MRPL34: variants seen among roughly 807,000 people sequenced by gnomAD.
MRPL34 encodes the protein large ribosomal subunit protein bL34m.
MRPL34 carries 8 observed loss-of-function variants against 6.7 expected under a neutral mutation model. The ratio of observed to expected loss-of-function variants is 1.20; its 90% CI spans 0.70 to 2.16. The LOEUF (loss-of-function observed/expected upper bound fraction) is 2.16. Among genes scored for constraint, MRPL34 ranks in the 30% most tolerant of loss-of-function variants. MRPL34 has a pLI of 0.00. For missense variants in MRPL34, 146 were observed against 125.5 expected (o/e 1.16, Z -0.78); for synonymous variants, 59 against 55.1 (o/e 1.07, Z -0.31).
Position 17,293,003 on chromosome 19 carries a change from C to T in MRPL34, c.214+149C>T, listed in dbSNP as rs185613077. 2,508 of 690,800 alleles carry T rather than the reference C, an allele frequency of 3.6e-3. 6 individuals carry two copies. Among genetic ancestry groups the T allele is most frequent in the Non-Finnish European group, 4.7e-3 (2,104 of 444,236 alleles). 42.8% of individuals were successfully genotyped at this position (690,800 alleles called of 1,614,324 possible). On this transcript the variant is annotated intron_variant, in intron 1 of 2. Transcript: ENST00000595444. ...GGGGGAGCTGGAGGATGGCCTGTAG[C>T]CCTGCTGGAACCCAACTAGTATTCA...
Position 17,306,331 on chromosome 19 carries a change from G to T in MRPL34, c.231G>T (p.Gln77His). The T allele has an allele frequency of 6.8e-6, 11 of 1,610,052 alleles. No individual in the cohort carries two copies. The highest frequency in any genetic ancestry group is 9.3e-6 in the Non-Finnish European group (11 of 1,179,226). Reference protein sequence around the residue: ...VRRLSTPAGVQVILRRMLKGR... With the variant: ...VRRLSTPAGVHVILRRMLKGR... The stretch of plus-strand genomic sequence containing the variant: ...GCCTGAGCACGCCGGCCGGCGTGCA[G>T]GTCATCCTTCGCCGAATGCTCAAGG... Residue 77 changes from glutamine to histidine, a missense_variant, in exon 2 of 2, where the codon CAG (glutamine) becomes CAT (histidine). Coordinates refer to ENST00000252602, the MANE Select transcript of MRPL34 (RefSeq NM_023937.4).
At chr19:17,305,643 G>A (rs1758566794), upstream of MRPL34, 1 of 551,234 alleles carries the variant, frequency 1.8e-6, no homozygotes, top group South Asian at 2.0e-5. Context: ...TTGTGCGCAC[G>A]CGCTTGCTCA....
Position 17,306,302 on chromosome 19 carries a change from C to G in MRPL34, c.202C>G (p.Arg68Gly), listed in dbSNP as rs200891604. Residue 68 changes from arginine to glycine, a missense_variant, in exon 2 of 2, where the codon CGG becomes GGG. By Grantham distance (125) the Arg-to-Gly change is moderately radical. Transcript: ENST00000252602. ...IKRKNKHGWV[R>G]RLSTPAGVQV... ...ACGCAAGAACAAGCACGGCTGGGTCCGGCGCCTGAGCACGCCGGCCGGCGT... is the reference window on the plus strand; with the variant it reads ...ACGCAAGAACAAGCACGGCTGGGTCGGGCGCCTGAGCACGCCGGCCGGCGT... 429 of 1,610,338 alleles carry G rather than the reference C, an allele frequency of 2.7e-4. No individual in the cohort carries two copies. Among genetic ancestry groups the G allele is most frequent in the Non-Finnish European group, 3.4e-4 (401 of 1,179,158 alleles).
At chr19:17,301,161 C>T (rs1470296365), upstream of MRPL34, 31 of 1,610,548 alleles carry the variant, frequency 1.9e-5, no homozygotes, top group Non-Finnish European at 2.5e-5. Context: ...TCTTGGGGCG[C>T]CTGGCTCGCC....
At chr19:17,293,551 C>T (rs1016426582) in intron 1 of MRPL34, among the ~76,000 whole-genome samples, 1 of 152,016 alleles carries the variant, frequency 6.6e-6, no homozygotes, top group African/African-American at 2.4e-5. Context: ...CCCTGGCCTC[C>T]ACCCACTAGA....
At chr19:17,305,826 T>A (rs762126576), upstream of MRPL34, 10 of 1,484,990 alleles carry the variant, frequency 6.7e-6, no homozygotes, top group Non-Finnish European at 9.4e-6. Flanking sequence ...AATCCTTTGT[T>A]CCAGGGCTGG....
At chr19:17,301,517 T>C, upstream of MRPL34, 2 of 1,610,684 alleles carry the variant, frequency 1.2e-6, no homozygotes, top group Non-Finnish European at 1.7e-6. Flanking sequence ...TCTACAAAGG[T>C]GTAGCCATCG....
At position 17,305,917 on chromosome 19, in the gene MRPL34, T is replaced by C. The variant is rs201390377; in HGVS notation, c.25T>C (p.Leu9=). 1.9e-6 allele frequency: 3 copies of C among 1,614,128 alleles called. No homozygotes were observed. Among genetic ancestry groups the C allele is most frequent in the Admixed American group, 3.3e-5 (2 of 60,030 alleles). MAVLAGSL[L]GPTSRSAALL... ...TATGGCTGTCTTGGCTGGATCCCTG[T>C]TGGGCCCCACGAGTAGGTCGGCAGC... Residue 9 remains leucine, a synonymous_variant, in exon 1 of 2, where the codon TTG becomes CTG. Coordinates refer to ENST00000252602, the MANE Select transcript of MRPL34 (RefSeq NM_023937.4).
chr19:17,301,365 C>T, upstream of MRPL34: 1 of 1,610,828 alleles, frequency 6.2e-7, no homozygotes, highest in Non-Finnish European at 8.5e-7. Context: ...CATTGCGGTA[C>T]ACGGTGATCC....
chr19:17,301,565 G>T (rs2074119114), upstream of MRPL34: 2 of 1,598,942 alleles, frequency 1.3e-6, no homozygotes, highest in African/African-American at 1.3e-5. Context: ...ACGGCGTTGG[G>T]GGGCGTGCCC....
At chr19:17,294,873 G>C in intron 1 of MRPL34, 1 of 1,605,584 alleles carries the variant, frequency 6.2e-7, no homozygotes, top group South Asian at 1.1e-5. Flanking sequence ...GGTGATAGGA[G>C]GATTGAAGGG....
At position 17,306,321 on chromosome 19, in the gene MRPL34, C is replaced by G. The variant is rs201529220; in HGVS notation, c.221C>G (p.Ala74Gly). The G allele has an allele frequency of 9.3e-6, 15 of 1,609,988 alleles. No homozygotes were observed. Among genetic ancestry groups the G allele is most frequent in the South Asian group, 7.7e-5 (7 of 90,718 alleles). ...TGGGTCCGGCGCCTGAGCACGCCGG[C>G]CGGCGTGCAGGTCATCCTTCGCCGA... Reference protein sequence around the residue: ...HGWVRRLSTPAGVQVILRRML... With the variant: ...HGWVRRLSTPGGVQVILRRML... Residue 74 changes from alanine to glycine, a missense_variant, in exon 2 of 2, where the codon GCC becomes GGC. By Grantham distance (60) the Ala-to-Gly change is moderately conservative (BLOSUM62 0). Transcript: ENST00000252602.
chr19:17,293,829 G>A (rs2074081517), intron 1 of MRPL34, among the ~76,000 whole-genome samples: 1 of 151,960 alleles, frequency 6.6e-6, no homozygotes, highest in African/African-American at 2.4e-5. Context: ...AAGTTGCAGC[G>A]ATTATTGGCG....
chr19:17,300,818 A>T (rs1355099952), upstream of MRPL34: 1 of 1,548,040 alleles, frequency 6.5e-7, no homozygotes, highest in Non-Finnish European at 8.7e-7. Flanking sequence ...TGCTGACCCC[A>T]TCCCTCACCC....
upstream of MRPL34, chr19:17,301,767 T>C (rs1280805094): frequency 2.1e-6 from 2 of 963,478 alleles, no homozygotes; most frequent in African/African-American, 4.1e-5. Flanking sequence ...GGCACTGAGA[T>C]TTTTTTGTTT....
In MRPL34 at chr19:17,306,303, G is replaced by A; in HGVS notation, c.203G>A (p.Arg68Gln). The change falls in exon 2 of 2, where the codon CGG becomes CAG. Residue 68 changes from arginine (R) to glutamine (Q), a missense_variant. Transcript: ENST00000252602. ...CGCAAGAACAAGCACGGCTGGGTCC[G>A]GCGCCTGAGCACGCCGGCCGGCGTG... ...IKRKNKHGWV[R>Q]RLSTPAGVQV... is the part of the protein sequence containing the mutation. The A allele has an allele frequency of 6.2e-7, 1 of 1,610,372 alleles. No homozygotes were observed. Among genetic ancestry groups the A allele is most frequent in the Non-Finnish European group, 8.5e-7 (1 of 1,179,156 alleles).
chr19:17,301,464 G>T (rs540209346), upstream of MRPL34: 3 of 1,611,636 alleles, frequency 1.9e-6, no homozygotes, highest in East Asian at 2.2e-5. Flanking sequence ...CGGCTGGGGC[G>T]GGTCCTGCAT....
upstream of MRPL34, chr19:17,303,443 A>G (rs2074131348): frequency 6.6e-6 from 1 of 152,312 alleles, no homozygotes; most frequent in Non-Finnish European, 1.5e-5. Context: ...TCCCCCGAGT[A>G]GGCGGAGCCA....
chr19:17,299,243 C>CCCCCA (rs1555720805), upstream of MRPL34, among the ~76,000 whole-genome samples: 4 of 148,642 alleles, frequency 2.7e-5, no homozygotes, highest in African/African-American at 7.5e-5. Context: ...GACCCCCCCC[C>CCCCCA]CATTCTCTAT....
Sources: allele counts gnomAD v4.1 joint callset (sites outside exome capture counted in the v4.1 genomes callset), GRCh38; gene constraint gnomAD v4.1.1; transcripts MANE v1.5; gene names NCBI Gene and HGNC (gene_info 2026-07-23, HGNC 2026-07-21).